TCF12: variants seen among roughly 807,000 people sequenced by gnomAD.
TCF12 encodes the protein transcription factor 12.
A neutral mutation model predicts 86.0 loss-of-function variants in TCF12; 45 were observed. The observed-to-expected ratio is 0.52, with a 90% CI of 0.41 to 0.67. The LOEUF is 0.67. Ranked by LOEUF, TCF12 falls within the 30% of genes least tolerant of loss-of-function variation. The pLI is 0.00. For synonymous variants in TCF12, 330 were observed against 299.6 expected, an observed-to-expected ratio of 1.10 and a Z score of -1.05; for missense variants, 881 against 859.9, an observed-to-expected ratio of 1.02 and a Z score of -0.31.
At chr15:57,264,393 G>C (rs1237450310) in intron 18 of TCF12, among the ~76,000 whole-genome samples, 2 of 151,168 alleles carry the variant, frequency 1.3e-5, no homozygotes, top group Admixed American at 6.6e-5. Flanking sequence ...TGGAGACGGG[G>C]TTTCACCATG....
rs1024453924 is a variant in TCF12 at position 56,955,343 on chromosome 15, T to C, written c.148+34245T>C. ...GCATGTTCTCACTCATAGGTGGGAA[T>C]TGAACGGTGAGAACTCTAGGACACA... is the stretch of plus-strand genomic sequence containing the variant. On this transcript the variant is annotated intron_variant, in intron 3 of 20. Transcript: ENST00000333725. Among the ~76,000 whole-genome samples, 5 of 151,942 alleles carry C rather than the reference T, an allele frequency of 3.3e-5. No homozygotes were observed. In the East Asian group the frequency reaches 5.8e-4, roughly 18 times the overall value.
chr15:57,168,169 G>A (rs1290918016), intron 6 of TCF12, among the ~76,000 whole-genome samples: 1 of 151,986 alleles, frequency 6.6e-6, no homozygotes, highest in African/African-American at 2.4e-5. Context: ...ATAAAAACAA[G>A]CAAAACAATG....
chr15:56,937,784 T>A (rs1170131269), intron 3 of TCF12, among the ~76,000 whole-genome samples: 2 of 152,146 alleles, frequency 1.3e-5, no homozygotes, highest in Non-Finnish European at 2.9e-5. Context: ...AGATGCTTTT[T>A]CCCACATCTG....
chr15:57,172,866 C>T (rs189366808), intron 6 of TCF12, among the ~76,000 whole-genome samples: 5 of 151,798 alleles, frequency 3.3e-5, no homozygotes, highest in Admixed American at 6.6e-5. Flanking sequence ...TTTGGAAGGC[C>T]GATTCAGGAG....
intron 3 of TCF12, among the ~76,000 whole-genome samples, chr15:56,978,774 C>T (rs1375645538): frequency 6.6e-6 from 1 of 152,072 alleles, no homozygotes; most frequent in East Asian, 1.9e-4. Context: ...TCCCTTAGGC[C>T]AGATATTGCT....
At chr15:57,254,857 C>CAAAAAA (rs777934020) in intron 16 of TCF12, among the ~76,000 whole-genome samples, 4 of 102,566 alleles carry the variant, frequency 3.9e-5, no homozygotes, top group African/African-American at 9.3e-5. Flanking sequence ...GACCCTGTCT[C>CAAAAAA]AAAAAAAAAA....
intron 5 of TCF12, among the ~76,000 whole-genome samples, chr15:57,142,394 C>T (rs1321588415): frequency 2.0e-5 from 3 of 151,948 alleles, no homozygotes; most frequent in African/African-American, 7.3e-5. Context: ...ATTCCCTCAG[C>T]TGTGTTCACT....
chr15:57,081,077 A>G (rs2151060602), intron 4 of TCF12, among the ~76,000 whole-genome samples: 1 of 152,350 alleles, frequency 6.6e-6, no homozygotes, highest in Non-Finnish European at 1.5e-5. Flanking sequence ...ACAGTTTACT[A>G]AAGCTCTTAT....
intron 3 of TCF12, among the ~76,000 whole-genome samples, chr15:57,055,422 T>G (rs1193238134): frequency 6.6e-6 from 1 of 152,160 alleles, no homozygotes; most frequent in East Asian, 1.9e-4. Flanking sequence ...ATAATAATGA[T>G]TATCCTTCAG....
At position 57,195,160 on chromosome 15, in the gene TCF12, C is replaced by G. The variant is rs140189334; in HGVS notation, c.527-2613C>G. On this transcript the variant is annotated intron_variant, in intron 7 of 20. Coordinates refer to ENST00000333725, the MANE Select transcript of TCF12 (RefSeq NM_207037.2). ...TCAAGTGGTCCTCCTGCCTTGGCCT[C>G]CCAAAGTGCTAGGATTACAGGCATG... 1.2e-4 allele frequency among the ~76,000 whole-genome samples: 18 copies of G among 152,302 alleles called. No homozygotes were observed. In the East Asian group the frequency reaches 3.5e-3, roughly 29 times the overall value.
At chr15:56,934,015 C>T (rs1349885984) in intron 3 of TCF12, among the ~76,000 whole-genome samples, 1 of 151,900 alleles carries the variant, frequency 6.6e-6, no homozygotes, top group African/African-American at 2.4e-5. Flanking sequence ...TCATCAGAAT[C>T]TCAGAATTGT....
At chr15:57,074,696 A>C (rs2069734333) in intron 4 of TCF12, among the ~76,000 whole-genome samples, 1 of 152,184 alleles carries the variant, frequency 6.6e-6, no homozygotes, top group Non-Finnish European at 1.5e-5. Context: ...ACTGTATTGC[A>C]GGTCTTGGGA....
chr15:57,070,555 T>C (rs1284238344), intron 4 of TCF12, among the ~76,000 whole-genome samples: 1 of 152,198 alleles, frequency 6.6e-6, no homozygotes, highest in Non-Finnish European at 1.5e-5. Context: ...TATAAGATTA[T>C]CTGGATGAGA....
At chr15:56,932,297 A>T (rs1482962515) in intron 3 of TCF12, among the ~76,000 whole-genome samples, 1 of 152,242 alleles carries the variant, frequency 6.6e-6, no homozygotes, top group Non-Finnish European at 1.5e-5. Context: ...GGAAATAGAG[A>T]AATCAACAGT....
chr15:57,013,512 G>A (rs1404227518), intron 3 of TCF12, among the ~76,000 whole-genome samples: 1 of 152,040 alleles, frequency 6.6e-6, no homozygotes, highest in African/African-American at 2.4e-5. Context: ...GTAGAGATGG[G>A]GTTTCACCAT....
chr15:57,282,855 G>T (rs984759299), intron 20 of TCF12, among the ~76,000 whole-genome samples: 5 of 152,182 alleles, frequency 3.3e-5, no homozygotes. Flanking sequence ...GTCATCATGT[G>T]TACTCTCTTA....
intron 5 of TCF12, among the ~76,000 whole-genome samples, chr15:57,103,231 A>AT (rs369676700): frequency 3.2e-3 from 491 of 152,320 alleles, no homozygotes; most frequent in Non-Finnish European, 5.8e-3. Context: ...TGTATAAATA[A>AT]TTTTTGTAAG....
chr15:57,258,786 T>C (rs543165624), intron 16 of TCF12, among the ~76,000 whole-genome samples: 3 of 152,322 alleles, frequency 2.0e-5, no homozygotes, highest in South Asian at 2.1e-4. Context: ...ATGTCTGTTT[T>C]CTAAATTTTA....
rs1368211437 is a variant in TCF12 at position 57,288,608 on chromosome 15, C to T, written c.*2463C>T. 1 of 152,430 alleles carries T rather than the reference C, an allele frequency of 6.6e-6. No individual in the cohort carries two copies. Among genetic ancestry groups the T allele is most frequent in the East Asian group, 1.9e-4 (1 of 5,200 alleles). 9.4% of individuals were successfully genotyped at this position (152,430 alleles called of 1,614,324 possible). On this transcript the variant is annotated 3_prime_UTR_variant, in exon 21 of 21. Transcript: ENST00000333725. The stretch of plus-strand genomic sequence containing the variant: ...ATTCGTCCCAGAAACACTCACACTG[C>T]TTTTCCTAACTGCATTACCGACATT...
Sources: gnomAD v4.1 joint callset for allele counts (sites outside exome capture counted in the v4.1 genomes callset) on GRCh38, gnomAD v4.1.1 for gene constraint, MANE v1.5 for transcripts, NCBI Gene and HGNC (gene_info 2026-07-23, HGNC 2026-07-21) for gene names.